GLDC: variants seen among roughly 807,000 people sequenced by gnomAD.
GLDC encodes glycine dehydrogenase (decarboxylating), mitochondrial.
A neutral mutation model predicts 121.3 loss-of-function variants in GLDC; 104 were observed. The observed-to-expected ratio is 0.86, with a 90% CI of 0.73 to 1.01. The LOEUF is 1.01. Ranked by LOEUF, GLDC falls within the 50% of genes least tolerant of loss-of-function variation. GLDC has a pLI of 0.00. For missense variants in GLDC, 1,429 were observed against 1,306.6 expected (o/e 1.09, Z -1.44); for synonymous variants, 546 against 480.6 (o/e 1.14, Z -1.78).
In GLDC at chr9:6,639,561, G is replaced by T. The variant is rs1307811399; in HGVS notation, c.334+5053C>A. The T allele has an allele frequency of 1.0e-5, 8 of 768,908 alleles. No individual in the cohort carries two copies. In the Admixed American group the frequency reaches 1.4e-4, roughly 13 times the overall value. 47.6% of individuals were successfully genotyped at this position (768,908 alleles called of 1,614,324 possible). ...AGAGAAGAAGGTATATGTTCGACTG[G>T]CTCCTGATTATGATGCTTTGGATGT... is the stretch of plus-strand genomic sequence containing the variant. On this transcript the variant is annotated intron_variant, in intron 2 of 24. Coordinates refer to ENST00000321612, the MANE Select transcript of GLDC (RefSeq NM_000170.3).
intron 7 of GLDC, among the ~76,000 whole-genome samples, chr9:6,602,423 C>T (rs1395769764): frequency 8.7e-5 from 13 of 150,144 alleles, no homozygotes. Flanking sequence ...TTCGCCCAGG[C>T]TGGAGTGCAA....
rs536553039 is a variant in GLDC at position 6,579,391 on chromosome 9, G to C, written c.1850+7750C>G. ...GCTGAATCTTCTGAATCTGTCTTCTGAGTTCCTTAACTTTTCCCTCACAGC... is the reference window on the plus strand; with the variant it reads ...GCTGAATCTTCTGAATCTGTCTTCTCAGTTCCTTAACTTTTCCCTCACAGC... On this transcript the variant is annotated intron_variant, in intron 15 of 24. Coordinates refer to ENST00000321612, the MANE Select transcript of GLDC (RefSeq NM_000170.3). Among the ~76,000 whole-genome samples, 27 of 151,942 alleles carry C rather than the reference G, an allele frequency of 1.8e-4. No individual in the cohort carries two copies. The South Asian group carries it at 3.1e-3, about 18-fold the overall frequency.
rs141057899 is a variant in GLDC at position 6,617,544 on chromosome 9, T to C, written c.470+2640A>G. The stretch of plus-strand genomic sequence containing the variant: ...AATTTACCATTCAAATTTTTACCAA[T>C]ACCACAATGAAAAAGAAGCCTTCAT... On this transcript the variant is annotated intron_variant, in intron 3 of 24. Transcript: ENST00000321612. 6.1e-3 allele frequency among the ~76,000 whole-genome samples: 931 copies of C among 152,326 alleles called. 15 individuals are homozygous for C. Among genetic ancestry groups the C allele is most frequent in the African/African-American group, 0.021 (885 of 41,562 alleles).
intron 2 of GLDC, among the ~76,000 whole-genome samples, chr9:6,642,487 T>C (rs1293189884): frequency 6.6e-6 from 1 of 152,158 alleles, no homozygotes; most frequent in Non-Finnish European, 1.5e-5. Context: ...GTAGAGATCA[T>C]GCCACTGCAC....
At chr9:6,633,939 C>T (rs1044164798) in intron 2 of GLDC, among the ~76,000 whole-genome samples, 1 of 145,536 alleles carries the variant, frequency 6.9e-6, no homozygotes, top group East Asian at 2.2e-4. Context: ...ACGCCATTCT[C>T]CTGCCTCAGC....
chr9:6,537,557 G>T (rs1817156894), intron 22 of GLDC, among the ~76,000 whole-genome samples: 1 of 152,220 alleles, frequency 6.6e-6, no homozygotes, highest in Non-Finnish European at 1.5e-5. Flanking sequence ...AAGGCCAGCG[G>T]ATTGCTTAAG....
At chr9:6,633,930 C>T (rs544568851) in intron 2 of GLDC, among the ~76,000 whole-genome samples, 14 of 144,350 alleles carry the variant, frequency 9.7e-5, no homozygotes, top group South Asian at 2.2e-4. Flanking sequence ...CCCGGGTTCA[C>T]GCCATTCTCC....
At chr9:6,643,241 C>T (rs1027771966) in intron 2 of GLDC, among the ~76,000 whole-genome samples, 6 of 151,746 alleles carry the variant, frequency 4.0e-5, no homozygotes, top group African/African-American at 1.2e-4. Flanking sequence ...GGCTTCCCTC[C>T]GACCATCCCT....
At position 6,639,668 on chromosome 9, in the gene GLDC, A is replaced by AAAAAATATATATATATATATATAT; in HGVS notation, c.334+4945_334+4946insATATATATATATATATATATTTTT. 5.2e-4 allele frequency: 130 copies of AAAAAATATATATATATATATATAT among 250,510 alleles called. 1 individual carries two copies. Among genetic ancestry groups the AAAAAATATATATATATATATATAT allele is most frequent in the Admixed American group, 7.2e-4 (11 of 15,324 alleles). 15.5% of individuals were successfully genotyped at this position (250,510 alleles called of 1,614,324 possible). Reference sequence around the variant, plus strand: ...ATATATCTTTTCACCATAAAAAAAAAGTATATATATATATATATATGGACA... The same window carrying AAAAAATATATATATATATATATAT: ...ATATATCTTTTCACCATAAAAAAAAAAAAAATATATATATATATATATATGTATATATATATATATATATGGACA... On this transcript the variant is annotated intron_variant, in intron 2 of 24. Transcript: ENST00000321612.
At chr9:6,587,851 TCTTTC>T (rs1450179350) in intron 14 of GLDC, among the ~76,000 whole-genome samples, 1 of 152,140 alleles carries the variant, frequency 6.6e-6, no homozygotes, top group Non-Finnish European at 1.5e-5. Context: ...TAAAATGATT[TCTTTC>T]GTCTGATATG....
At chr9:6,564,935 C>T (rs765093631) in intron 16 of GLDC, among the ~76,000 whole-genome samples, 30 of 152,200 alleles carry the variant, frequency 2.0e-4, no homozygotes, top group South Asian at 2.1e-4. Flanking sequence ...TTTGAGCATA[C>T]TATGACCAGA....
At chr9:6,544,274 G>A (rs989797888) in intron 21 of GLDC, among the ~76,000 whole-genome samples, 51 of 152,150 alleles carry the variant, frequency 3.4e-4, no homozygotes, top group Middle Eastern at 6.8e-3. Context: ...GACTGAGCAG[G>A]GTCACTTGTG....
intron 5 of GLDC, among the ~76,000 whole-genome samples, chr9:6,605,656 G>A (rs570683081): frequency 6.6e-6 from 1 of 152,332 alleles, no homozygotes; most frequent in African/African-American, 2.4e-5. Flanking sequence ...GTAAGACAAG[G>A]AGGAAGAACT....
intron 21 of GLDC, among the ~76,000 whole-genome samples, chr9:6,550,265 T>G (rs1817483687): frequency 6.6e-6 from 1 of 152,246 alleles, no homozygotes; most frequent in South Asian, 2.1e-4. Context: ...TTTATTGACC[T>G]GGGCTGCTGT....
At chr9:6,602,977 C>T (rs1274851521) in intron 7 of GLDC, among the ~76,000 whole-genome samples, 1 of 152,044 alleles carries the variant, frequency 6.6e-6, no homozygotes, top group Non-Finnish European at 1.5e-5. Flanking sequence ...TCTATAATCC[C>T]AGCACTTTGG....
intron 3 of GLDC, 99 bp from the exon 4 acceptor site, chr9:6,610,455 C>T: frequency 2.5e-6 from 3 of 1,217,624 alleles, no homozygotes; most frequent in Admixed American, 1.9e-5. Flanking sequence ...AATAATTTGC[C>T]TATCTTGAGG....
At chr9:6,606,139 C>G (rs1818726161) in intron 5 of GLDC, 2 of 197,634 alleles carry the variant, frequency 1.0e-5, no homozygotes, top group Admixed American at 1.1e-4. Flanking sequence ...AACTCCGTCT[C>G]TACTAAAAAT....
At chr9:6,556,077 G>T in intron 18 of GLDC, 76 bp downstream of exon 18, 2 of 1,295,982 alleles carry the variant, frequency 1.5e-6, no homozygotes, top group Non-Finnish European at 2.2e-6. Flanking sequence ...AGCCTCTCAA[G>T]AAGTCAGAAT....
chr9:6,590,018 G>A (rs539329237), intron 11 of GLDC, among the ~76,000 whole-genome samples: 1 of 151,760 alleles, frequency 6.6e-6, no homozygotes, highest in South Asian at 2.1e-4. Context: ...TCATGCCACT[G>A]CACGCCACCC....
Sources: gnomAD v4.1 joint callset for allele counts (sites outside exome capture counted in the v4.1 genomes callset) on GRCh38, gnomAD v4.1.1 for gene constraint, MANE v1.5 for transcripts, NCBI Gene and HGNC (gene_info 2026-07-23, HGNC 2026-07-21) for gene names.